Variants in GALNT11 observed in about 807,000 individuals in gnomAD.
The protein encoded by GALNT11 is UDP-GalNAc:polypeptide N-acetylgalactosaminyltransferase 11.
Under a neutral mutation model 72.7 loss-of-function variants are expected in GALNT11, and 47 were observed. The observed-to-expected ratio is 0.65, with a 90% confidence interval of 0.51 to 0.82. The LOEUF (loss-of-function observed/expected upper bound fraction) is 0.82. Ranked by LOEUF, GALNT11 falls within the 40% of genes least tolerant of loss-of-function variation. GALNT11 has a pLI of 0.00. For synonymous variants in GALNT11, 270 were observed against 286.6 expected (o/e 0.94, Z 0.58); for missense variants, 677 against 778.4 (o/e 0.87, Z 1.55).
intron 1 of GALNT11, among the ~76,000 whole-genome samples, chr7:152,040,769 C>T (rs986821310): frequency 6.6e-6 from 1 of 152,230 alleles, no homozygotes; most frequent in Non-Finnish European, 1.5e-5. Flanking sequence ...ACCTCAATTA[C>T]AGCTACGAGC....
chr7:152,113,366 C>G lies in GALNT11; in HGVS notation c.1201C>G (p.Arg401Gly). 6.2e-7 allele frequency: 1 copy of G among 1,613,756 alleles called. No homozygotes were observed. Among genetic ancestry groups the G allele is most frequent in the Non-Finnish European group, 8.5e-7 (1 of 1,179,918 alleles). ...GGACACCATGACACACAACTCTTTG[C>G]GGCTGGCACATGTCTGGTTGGATGA... The part of the protein sequence containing the change: ...GQDTMTHNSL[R>G]LAHVWLDEYK... Residue 401 changes from arginine (R) to glycine (G), a missense_variant, in exon 8 of 12, where the codon CGG (arginine) becomes GGG (glycine). Arg to Gly is a moderately radical substitution (Grantham distance 125). Coordinates refer to ENST00000430044, the MANE Select transcript of GALNT11 (RefSeq NM_022087.4).
chr7:152,062,193 C>T (rs2084055637), intron 1 of GALNT11, among the ~76,000 whole-genome samples: 1 of 152,104 alleles, frequency 6.6e-6, no homozygotes, highest in South Asian at 2.1e-4. Context: ...CCTTCACATC[C>T]CTTGTAAGTT....
At position 152,110,612 on chromosome 7, in the gene GALNT11, C is replaced by T. The variant is rs1435187377; in HGVS notation, c.1047C>T (p.Ile349=). 6.2e-7 allele frequency: 1 copy of T among 1,612,260 alleles called. No individual in the cohort carries two copies. Among genetic ancestry groups the T allele is most frequent in the Non-Finnish European group, 8.5e-7 (1 of 1,179,618 alleles). ...ELGQYDSGMD[I]WGGENLEISF... is the part of the protein sequence containing the mutation. ...GACAGTATGATAGTGGCATGGATAT[C>T]TGGGGAGGAGAAAATTTGGAAATAT... is the stretch of plus-strand genomic sequence containing the variant. Residue 349 remains isoleucine (I), a synonymous_variant, in exon 7 of 12, where the codon ATC becomes ATT. Transcript: ENST00000430044.
At chr7:152,033,356 C>A (rs1404809775) in intron 1 of GALNT11, among the ~76,000 whole-genome samples, 6 of 152,156 alleles carry the variant, frequency 3.9e-5, no homozygotes, top group Non-Finnish European at 8.8e-5. Context: ...TGTCTGAGGG[C>A]CATGACTAAG....
intron 8 of GALNT11, among the ~76,000 whole-genome samples, chr7:152,114,659 C>T (rs1366166650): frequency 1.3e-5 from 2 of 151,754 alleles, no homozygotes; most frequent in South Asian, 2.1e-4. Context: ...CTCCTGGGTT[C>T]GAGTGATTCT....
intron 1 of GALNT11, among the ~76,000 whole-genome samples, chr7:152,037,238 G>A (rs928192674): frequency 1.3e-5 from 2 of 152,302 alleles, no homozygotes; most frequent in East Asian, 3.9e-4. Context: ...TGATTTTTGT[G>A]TATAGTGAGA....
At chr7:152,077,760 A>T (rs941095138) in intron 1 of GALNT11, among the ~76,000 whole-genome samples, 2 of 152,156 alleles carry the variant, frequency 1.3e-5, no homozygotes, top group Non-Finnish European at 2.9e-5. Flanking sequence ...CCACCAAGTC[A>T]GTGTAACCAG....
At chr7:152,059,059 AT>A (rs948382020) in intron 1 of GALNT11, among the ~76,000 whole-genome samples, 19 of 152,330 alleles carry the variant, frequency 1.2e-4, no homozygotes, top group African/African-American at 4.1e-4. Context: ...GAATAAAAAA[AT>A]AAATGATATT....
intron 1 of GALNT11, among the ~76,000 whole-genome samples, chr7:152,090,369 T>C (rs1480888728): frequency 6.6e-6 from 1 of 152,230 alleles, no homozygotes; most frequent in African/African-American, 2.4e-5. Flanking sequence ...TTCCTTGGGT[T>C]TATTCAGTTA....
At chr7:152,057,871 T>G (rs1016284435) in intron 1 of GALNT11, among the ~76,000 whole-genome samples, 27 of 152,178 alleles carry the variant, frequency 1.8e-4, no homozygotes, top group African/African-American at 6.5e-4. Context: ...CTAAGGACAA[T>G]AGGTAAAAGC....
At chr7:152,034,256 A>C (rs1382929862) in intron 1 of GALNT11, among the ~76,000 whole-genome samples, 4 of 152,306 alleles carry the variant, frequency 2.6e-5, no homozygotes, top group South Asian at 4.1e-4. Context: ...GTAAGCTGAG[A>C]GGTCCTCCTA....
chr7:152,030,494 A>G (rs936350806), intron 1 of GALNT11, among the ~76,000 whole-genome samples: 3 of 152,248 alleles, frequency 2.0e-5, no homozygotes, highest in African/African-American at 4.8e-5. Context: ...AATCATCTCT[A>G]TGATCTATAT....
intron 1 of GALNT11, among the ~76,000 whole-genome samples, chr7:152,043,703 C>T (rs2082982979): frequency 6.6e-6 from 1 of 152,092 alleles, no homozygotes; most frequent in South Asian, 2.1e-4. Flanking sequence ...AAAGAAAGAT[C>T]CGGAGGGTCA....
intron 1 of GALNT11, among the ~76,000 whole-genome samples, chr7:152,033,362 C>G (rs10239312): frequency 0.087 from 13,262 of 152,186 alleles, 1,115 homozygotes; most frequent in African/African-American, 0.22. Flanking sequence ...AGGGCCATGA[C>G]TAAGGCTGCA....
chr7:152,069,255 C>G (rs1040608928), intron 1 of GALNT11, among the ~76,000 whole-genome samples: 2 of 152,068 alleles, frequency 1.3e-5, no homozygotes, highest in African/African-American at 4.8e-5. Context: ...ATCTCCGTTA[C>G]TGATTTCTAG....
chr7:152,059,288 G>A lies in GALNT11; in HGVS notation c.-39+33404G>A, dbSNP rs138221048. On this transcript the variant is annotated intron_variant, in intron 1 of 11. Coordinates refer to ENST00000430044, the MANE Select transcript of GALNT11 (RefSeq NM_022087.4). ...TTTTTTTGTATTTTTTTTTTGTAGC[G>A]ATTGGGTCTCACTCTGTTGTCCAAG... 1.4e-4 allele frequency among the ~76,000 whole-genome samples: 21 copies of A among 151,122 alleles called. No homozygotes were observed. In the East Asian group the frequency reaches 3.1e-3, roughly 22 times the overall value.
intron 10 of GALNT11, among the ~76,000 whole-genome samples, 158 bp from the exon 11 acceptor site, chr7:152,120,673 G>A (rs143826580): frequency 4.6e-4 from 70 of 152,346 alleles, no homozygotes; most frequent in African/African-American, 1.3e-3. Flanking sequence ...GCTATCTGAA[G>A]TGGAATGAAC....
chr7:152,055,633 C>A (rs1043396646), intron 1 of GALNT11, among the ~76,000 whole-genome samples: 1 of 147,884 alleles, frequency 6.8e-6, no homozygotes, highest in Non-Finnish European at 1.5e-5. Flanking sequence ...TAAGAGGATA[C>A]TTTTTAAATT....
chr7:152,069,997 C>CTTTTTTTTTTTTTTTTTTTT (rs879494057), intron 1 of GALNT11, among the ~76,000 whole-genome samples: 2 of 143,438 alleles, frequency 1.4e-5, no homozygotes, highest in African/African-American at 2.8e-5. Context: ...TTTTCTTTTT[C>CTTTTTTTTTTTTTTTTTTTT]TTTTTCTTTT....
Sources: allele counts gnomAD v4.1 joint callset (sites outside exome capture counted in the v4.1 genomes callset), GRCh38; gene constraint gnomAD v4.1.1; transcripts MANE v1.5; gene names NCBI Gene and HGNC (gene_info 2026-07-23, HGNC 2026-07-21).